Variants in FOXP2 observed in about 807,000 individuals in gnomAD.
FOXP2 encodes forkhead box protein P2.
A neutral mutation model predicts 115.8 loss-of-function variants in FOXP2; 12 were observed. The ratio of observed to expected loss-of-function variants is 0.10; its 90% CI spans 0.07 to 0.17. The LOEUF (loss-of-function observed/expected upper bound fraction) is 0.17. Ranked by LOEUF, FOXP2 falls within the 10% of genes least tolerant of loss-of-function variation. The pLI is 1.00. For synonymous variants in FOXP2, 328 were observed against 297.7 expected, an observed-to-expected ratio of 1.10 and a Z score of -1.05; for missense variants, 629 against 843.5, an observed-to-expected ratio of 0.75 and a Z score of 3.15.
At chr7:114,096,511 C>T (rs538210545) in intron 1 of FOXP2, among the ~76,000 whole-genome samples, 155 of 152,272 alleles carry the variant, frequency 1.0e-3, no homozygotes, top group Non-Finnish European at 1.7e-3. Context: ...AAATATTCTA[C>T]ACACAGTAAA....
chr7:114,533,649 T>C (rs528236620), intron 2 of FOXP2, among the ~76,000 whole-genome samples: 14 of 152,018 alleles, frequency 9.2e-5, no homozygotes, highest in Non-Finnish European at 2.1e-4. Flanking sequence ...GGCCAATGAT[T>C]TAGTTTAGTT....
intron 2 of FOXP2, among the ~76,000 whole-genome samples, chr7:114,436,433 T>C (rs1432350085): frequency 6.6e-6 from 1 of 151,634 alleles, no homozygotes; most frequent in Non-Finnish European, 1.5e-5. Flanking sequence ...AGTATTTTAT[T>C]TGCTGTCTAG....
chr7:114,146,800 C>T (rs1195126072), intron 1 of FOXP2, among the ~76,000 whole-genome samples: 1 of 152,158 alleles, frequency 6.6e-6, no homozygotes, highest in Non-Finnish European at 1.5e-5. Flanking sequence ...CAGGCTGAAA[C>T]AGCATCATTA....
chr7:114,518,002 C>A (rs117489577), intron 2 of FOXP2, among the ~76,000 whole-genome samples: 1,675 of 152,126 alleles, frequency 0.011, 13 homozygotes, highest in Non-Finnish European at 0.018. Context: ...CAATTTCTTT[C>A]ATCAATATTT....
chr7:114,129,536 A>G (rs1791815059), intron 1 of FOXP2, among the ~76,000 whole-genome samples: 1 of 152,234 alleles, frequency 6.6e-6, no homozygotes, highest in Non-Finnish European at 1.5e-5. Flanking sequence ...ATAAAATAAA[A>G]TAAAAATGCA....
At chr7:114,247,305 T>G (rs1484562855) in intron 1 of FOXP2, among the ~76,000 whole-genome samples, 2 of 152,234 alleles carry the variant, frequency 1.3e-5, no homozygotes, top group Non-Finnish European at 2.9e-5. Context: ...TATCTCATTA[T>G]CTGCCTATTA....
At chr7:114,496,894 T>C (rs1406246901) in intron 2 of FOXP2, among the ~76,000 whole-genome samples, 2 of 152,206 alleles carry the variant, frequency 1.3e-5, no homozygotes, top group Admixed American at 1.3e-4. Flanking sequence ...TGTCCAATAA[T>C]ATCCAGTCCA....
chr7:114,670,627 C>T (rs1357707525), intron 16 of FOXP2, among the ~76,000 whole-genome samples: 1 of 152,066 alleles, frequency 6.6e-6, no homozygotes, highest in Non-Finnish European at 1.5e-5. Flanking sequence ...TGTCATAAAA[C>T]ATAATGAAAA....
At chr7:114,173,530 C>T (rs954780092) in intron 1 of FOXP2, among the ~76,000 whole-genome samples, 13 of 151,660 alleles carry the variant, frequency 8.6e-5, no homozygotes, top group Non-Finnish European at 1.6e-4. Flanking sequence ...AAAAATCTCC[C>T]TTTTCTTCAG....
chr7:114,308,853 T>C (rs1173017662), intron 2 of FOXP2, among the ~76,000 whole-genome samples: 1 of 152,156 alleles, frequency 6.6e-6, no homozygotes, highest in African/African-American at 2.4e-5. Flanking sequence ...AACGGTGCCA[T>C]TGTAATCCAA....
rs530694916 is a variant in FOXP2, at chr7:114,497,892, A to G, written c.169-36725A>G. ...TCCTTTGGAATAAGATGGAGACAATATTATCTCCACTTATAGATGATGAGA... is the reference window on the plus strand; with the variant it reads ...TCCTTTGGAATAAGATGGAGACAATGTTATCTCCACTTATAGATGATGAGA... On this transcript the variant is annotated intron_variant, in intron 2 of 16. Transcript: ENST00000350908. Among the ~76,000 whole-genome samples, 3 of 152,150 alleles carry G rather than the reference A, an allele frequency of 2.0e-5. No individual in the cohort carries two copies. In the South Asian group the frequency reaches 6.2e-4, roughly 32 times the overall value.
At chr7:114,307,940 T>C (rs1377532384) in intron 2 of FOXP2, among the ~76,000 whole-genome samples, 1 of 152,150 alleles carries the variant, frequency 6.6e-6, no homozygotes, top group Non-Finnish European at 1.5e-5. Flanking sequence ...GCTGCTTTAC[T>C]TAAATGGACC....
At chr7:114,534,568 A>C (rs1010807343) in intron 2 of FOXP2, 49 bp from the exon 3 acceptor site, 1 of 1,470,162 alleles carries the variant, frequency 6.8e-7, no homozygotes, top group African/African-American at 1.4e-5. Context: ...ATAATTGATA[A>C]CTTAACTTTC....
chr7:114,384,758 ATAACTC>A (rs1214708697), intron 2 of FOXP2, among the ~76,000 whole-genome samples: 1 of 151,654 alleles, frequency 6.6e-6, no homozygotes, highest in Non-Finnish European at 1.5e-5. Flanking sequence ...TTGACTTAGA[ATAACTC>A]TGAACTGGTG....
chr7:114,281,290 C>T lies in FOXP2; in HGVS notation c.-101-6729C>T, dbSNP rs187011658. Among the ~76,000 whole-genome samples the T allele has an allele frequency of 1.5e-3, 223 of 151,662 alleles. 1 individual carries two copies. The highest frequency in any genetic ancestry group is 5.0e-3 in the African/African-American group (207 of 41,368). ...CTAATTTTTGTATTTTTATTAGAGACGGAGTTTCACCATGTTGGCCAGGCT... is the reference window on the plus strand; with the variant it reads ...CTAATTTTTGTATTTTTATTAGAGATGGAGTTTCACCATGTTGGCCAGGCT... On this transcript the variant is annotated intron_variant, in intron 1 of 17. Coordinates refer to the FOXP2 transcript ENST00000634411.
At chr7:114,614,674 C>A (rs1803832034) in intron 3 of FOXP2, among the ~76,000 whole-genome samples, 1 of 151,972 alleles carries the variant, frequency 6.6e-6, no homozygotes, top group South Asian at 2.1e-4. Context: ...ACATACGGAG[C>A]AAAGTAACAA....
At chr7:114,449,569 C>G (rs972295920) in intron 2 of FOXP2, among the ~76,000 whole-genome samples, 3 of 151,988 alleles carry the variant, frequency 2.0e-5, no homozygotes, top group African/African-American at 7.2e-5. Context: ...TTCTGTGAAC[C>G]TGAGCCACTG....
At chr7:114,207,959 A>C (rs1794242614) in intron 1 of FOXP2, among the ~76,000 whole-genome samples, 1 of 152,202 alleles carries the variant, frequency 6.6e-6, no homozygotes, top group South Asian at 2.1e-4. Context: ...TTAGGAGTTC[A>C]AGACCAGCCT....
At chr7:114,602,472 G>A (rs768458339) in intron 3 of FOXP2, among the ~76,000 whole-genome samples, 1 of 151,974 alleles carries the variant, frequency 6.6e-6, no homozygotes, top group Non-Finnish European at 1.5e-5. Flanking sequence ...CTCATGACTT[G>A]TAAGAGCACC....
Sources: allele counts gnomAD v4.1 joint callset (sites outside exome capture counted in the v4.1 genomes callset), GRCh38; gene constraint gnomAD v4.1.1; transcripts MANE v1.5; gene names NCBI Gene and HGNC (gene_info 2026-07-23, HGNC 2026-07-21).